The following PLD2 variants were observed in gnomAD, a reference collection of about 807,000 sequenced individuals.
The protein encoded by PLD2 is phospholipase D2.
A neutral mutation model predicts 119.8 loss-of-function variants in PLD2; 101 were observed. That is an observed-to-expected ratio of 0.84 (90% CI 0.72 to 0.99). PLD2 has a LOEUF of 0.99. Ranked by LOEUF, PLD2 falls within the 50% of genes least tolerant of loss-of-function variation. The pLI is 0.00. For missense variants in PLD2, 1,164 were observed against 1,226.8 expected, an observed-to-expected ratio of 0.95 and a Z score of 0.76; for synonymous variants, 494 against 482.8, an observed-to-expected ratio of 1.02 and a Z score of -0.30.
Position 4,818,017 on chromosome 17 carries a change from G to A in PLD2, c.1831G>A (p.Asp611Asn). The A allele has an allele frequency of 6.2e-7, 1 of 1,613,132 alleles. No homozygotes were observed. The highest frequency in any genetic ancestry group is 8.5e-7 in the Non-Finnish European group (1 of 1,179,096). Residue 611 changes from aspartate to asparagine, a missense_variant, in exon 18 of 25, where the codon GAC becomes AAC. Transcript: ENST00000263088. ...CTTVQVLRSV[D>N]RWSAGTLENS... ...CATTCCCTAGGTCTTGCGATCAGTG[G>A]ACCGCTGGTCAGCAGGGACTCTGGA...
intron 10 of PLD2, 131 bp from the exon 11 acceptor site, chr17:4,814,287 T>C: frequency 7.1e-7 from 1 of 1,417,548 alleles, no homozygotes. Flanking sequence ...CTGATACCAC[T>C]TGTGTTCTCT....
At chr17:4,813,236 C>G (rs1906650191) in intron 10 of PLD2, among the ~76,000 whole-genome samples, 1 of 152,120 alleles carries the variant, frequency 6.6e-6, no homozygotes, top group South Asian at 2.1e-4. Flanking sequence ...TCACGAACTC[C>G]TGACCTTAAG....
At chr17:4,809,235 G>C (rs376618254) in intron 5 of PLD2, 30 bp downstream of exon 5, 27 of 1,611,712 alleles carry the variant, frequency 1.7e-5, no homozygotes, top group Non-Finnish European at 2.2e-5. Flanking sequence ...CCTCCGGGAA[G>C]GCATTGGAGG....
chr17:4,819,740 C>G lies in PLD2; in HGVS notation c.2462+158C>G, dbSNP rs1907450347. On this transcript the variant is annotated intron_variant, in intron 23 of 24. Coordinates refer to ENST00000263088, the MANE Select transcript of PLD2 (RefSeq NM_002663.5). This position sits in a 1 kb window ranked among gnomAD's most constrained non-coding sequence, Gnocchi z 4.2. ...AGGCTGGGCGCGGCAGCTCACGCCT[C>G]TAATCCCAGCACTTTGGGAGGCCAA... is the stretch of plus-strand genomic sequence containing the variant. Among the ~76,000 whole-genome samples the G allele has an allele frequency of 1.3e-5, 2 of 151,852 alleles. No individual in the cohort carries two copies. The highest frequency in any genetic ancestry group is 2.9e-5 in the Non-Finnish European group (2 of 68,006).
At position 4,809,892 on chromosome 17, in the gene PLD2, G is replaced by A. The variant is rs758862838; in HGVS notation, c.723G>A (p.Lys241=). 1.2e-6 allele frequency: 2 copies of A among 1,614,168 alleles called. No homozygotes were observed. Among genetic ancestry groups the A allele is most frequent in the Admixed American group, 3.3e-5 (2 of 60,016 alleles). The part of the protein sequence containing the change: ...YRWSKRWLVV[K]DSFLLYMCLE... The stretch of plus-strand genomic sequence containing the variant: ...TCTGCTCTAGGTGGCTGGTGGTGAA[G>A]GACTCCTTCCTGCTGTACATGTGCC... Residue 241 remains lysine (K), a synonymous_variant, in exon 9 of 25, where the codon AAG becomes AAA. Coordinates refer to ENST00000263088, the MANE Select transcript of PLD2 (RefSeq NM_002663.5).
At chr17:4,809,272 C>G (rs762500061) in intron 5 of PLD2, 26 bp from the exon 6 acceptor site, 6 of 1,596,282 alleles carry the variant, frequency 3.8e-6, no homozygotes, top group Admixed American at 1.7e-5. Flanking sequence ...CCATCTGTCT[C>G]TCTCTCTCTC....
rs900566735 is a variant in PLD2, at chr17:4,819,351, G to T, written c.2309-78G>T. ...GTCCAAGAAGGAATGTTGCAGGCCA[G>T]TGCTTTGGTAGAGGGGATGGGGTAC... On this transcript the variant is annotated intron_variant, in intron 22 of 24. Coordinates refer to ENST00000263088, the MANE Select transcript of PLD2 (RefSeq NM_002663.5). This position sits in a 1 kb window ranked among gnomAD's most constrained non-coding sequence, Gnocchi z 4.2. The T allele has an allele frequency of 1.0e-5, 16 of 1,604,246 alleles. No individual in the cohort carries two copies. In the African/African-American group the frequency reaches 2.0e-4, roughly 20 times the overall value.
At chr17:4,816,152 C>T (rs1024629744) in intron 14 of PLD2, among the ~76,000 whole-genome samples, 18 of 152,106 alleles carry the variant, frequency 1.2e-4, no homozygotes, top group Admixed American at 7.2e-4. Context: ...GAGGCCAAGG[C>T]GGGTGGATCA....
Position 4,815,947 on chromosome 17 carries a change from A to T in PLD2, c.1455+13A>T. On this transcript the variant is annotated intron_variant, in intron 14 of 24. Transcript: ENST00000263088. ...AGCTGCCTCCCAGGTAATCCCCCTGAGGCCTTCCTGAGCACCCCCAAACTC... is the reference window on the plus strand; with the variant it reads ...AGCTGCCTCCCAGGTAATCCCCCTGTGGCCTTCCTGAGCACCCCCAAACTC... 2 of 1,592,108 alleles carry T rather than the reference A, an allele frequency of 1.3e-6. No individual in the cohort carries two copies. The highest frequency in any genetic ancestry group is 1.7e-6 in the Non-Finnish European group (2 of 1,160,242).
chr17:4,814,118 AT>A, intron 10 of PLD2: 2 of 286,748 alleles, frequency 7.0e-6, no homozygotes, highest in East Asian at 9.5e-5. Flanking sequence ...CTCTTTGCTC[AT>A]TTTTCAGTTG....
chr17:4,818,876 TG>T, intron 21 of PLD2, 53 bp downstream of exon 21: 8 of 1,581,070 alleles, frequency 5.1e-6, no homozygotes, highest in Non-Finnish European at 6.9e-6. Flanking sequence ...AGAGGGAGAT[TG>T]GGGCGCTGCA....
In PLD2 at chr17:4,822,645, C is replaced by T; in HGVS notation, c.2583C>T (p.Phe861=). Reference sequence around the variant, plus strand: ...GTCCATGCCCCCGCCCACAGATCTTCCGCTGCCTGCCATCCAATGCCACGC... The same window carrying T: ...GTCCATGCCCCCGCCCACAGATCTTTCGCTGCCTGCCATCCAATGCCACGC... The part of the protein sequence containing the change: ...ESNANIYEQI[F]RCLPSNATRS... The change falls in exon 25 of 25, where the codon TTC becomes TTT. Residue 861 remains phenylalanine (F), a synonymous_variant. Coordinates refer to ENST00000263088, the MANE Select transcript of PLD2 (RefSeq NM_002663.5). 1 of 1,604,222 alleles carries T rather than the reference C, an allele frequency of 6.2e-7. No homozygotes were observed. Among genetic ancestry groups the T allele is most frequent in the Non-Finnish European group, 8.5e-7 (1 of 1,173,148 alleles).
intron 23 of PLD2, among the ~76,000 whole-genome samples, chr17:4,821,003 T>C (rs889041436): frequency 2.6e-5 from 4 of 151,098 alleles, no homozygotes; most frequent in East Asian, 2.0e-4. Flanking sequence ...CCCGGGTTCA[T>C]ACCATTCTCC....
In PLD2 at chr17:4,810,016, G is replaced by A. The variant is rs200094300; in HGVS notation, c.847G>A (p.Asp283Asn). ...STEARHGVRIDTSHRSLILKC... is the reference protein window; with the variant it reads ...STEARHGVRINTSHRSLILKC... ...GGAGGCACGGCACGGCGTGCGGATC[G>A]ATACCTCCCACAGGTGAGGCCTCCC... is the stretch of plus-strand genomic sequence containing the variant. Residue 283 changes from aspartate to asparagine, a missense_variant, in exon 9 of 25, where the codon GAT becomes AAT. Coordinates refer to ENST00000263088, the MANE Select transcript of PLD2 (RefSeq NM_002663.5). The A allele has an allele frequency of 7.2e-5, 116 of 1,612,880 alleles. No homozygotes were observed. In the Middle Eastern group the frequency reaches 7.6e-4, roughly 11 times the overall value.
At position 4,809,323 on chromosome 17, in the gene PLD2, G is replaced by A. The variant is rs779056522; in HGVS notation, c.515G>A (p.Arg172His). ...AAATACCTGGAGAATTACCTCAACC[G>A]TCTCTTGACCATGTCTTTCTATCGC... Reference protein sequence around the residue: ...KQKYLENYLNRLLTMSFYRNY... With the variant: ...KQKYLENYLNHLLTMSFYRNY... Residue 172 changes from arginine (R) to histidine (H), a missense_variant, in exon 6 of 25, where the codon CGT becomes CAT. Coordinates refer to ENST00000263088, the MANE Select transcript of PLD2 (RefSeq NM_002663.5). The A allele has an allele frequency of 1.8e-5, 29 of 1,614,016 alleles. No homozygotes were observed. The highest frequency in any genetic ancestry group is 2.2e-5 in the East Asian group (1 of 44,888).
Position 4,809,537 on chromosome 17 carries a change from G to T in PLD2, c.600G>T (p.Leu200Phe). Reference sequence around the variant, plus strand: ...GTCAGCTGTCCTTTATCCCGGACTTGGGCCGCAAAGGACTGTGAGTGTCTG... The same window carrying T: ...GTCAGCTGTCCTTTATCCCGGACTTTGGCCGCAAAGGACTGTGAGTGTCTG... ...EVSQLSFIPD[L>F]GRKGLEGMIR... The change falls in exon 7 of 25, where the codon TTG becomes TTT. Residue 200 changes from leucine (L) to phenylalanine (F), a missense_variant. Transcript: ENST00000263088. The T allele has an allele frequency of 6.2e-7, 1 of 1,606,134 alleles. No individual in the cohort carries two copies. The highest frequency in any genetic ancestry group is 8.5e-7 in the Non-Finnish European group (1 of 1,174,898).
In PLD2 at chr17:4,810,132, C is replaced by A. The variant is rs1015751993; in HGVS notation, c.860+103C>A. 1.7e-5 allele frequency: 20 copies of A among 1,189,142 alleles called. No individual in the cohort carries two copies. In the African/African-American group the frequency reaches 2.6e-4, roughly 15 times the overall value. 73.7% of individuals were successfully genotyped at this position (1,189,142 alleles called of 1,614,324 possible). A position where few individuals can be genotyped will look rare whatever the true frequency, so the allele number is the denominator to read the frequency against. ...GACCACAGGAGAGAGGAAGGCTTTTCCACCTCCCTGGATCGGGACATAGTT... is the reference window on the plus strand; with the variant it reads ...GACCACAGGAGAGAGGAAGGCTTTTACACCTCCCTGGATCGGGACATAGTT... On this transcript the variant is annotated intron_variant, in intron 9 of 24. Coordinates refer to ENST00000263088, the MANE Select transcript of PLD2 (RefSeq NM_002663.5).
At chr17:4,809,235 G>T (rs376618254) in intron 5 of PLD2, 30 bp downstream of exon 5, 2 of 1,611,712 alleles carry the variant, frequency 1.2e-6, no homozygotes, top group African/African-American at 2.7e-5. Flanking sequence ...CCTCCGGGAA[G>T]GCATTGGAGG....
At chr17:4,814,981 T>C (rs570503050) in intron 12 of PLD2, among the ~76,000 whole-genome samples, 2 of 152,246 alleles carry the variant, frequency 1.3e-5, no homozygotes, top group Admixed American at 1.3e-4. Flanking sequence ...GGTATACATG[T>C]CTATCTCTCT....
Sources: allele counts gnomAD v4.1 joint callset (sites outside exome capture counted in the v4.1 genomes callset), GRCh38; gene constraint gnomAD v4.1.1; non-coding constraint Gnocchi (gnomAD v3.1); transcripts MANE v1.5; gene names NCBI Gene and HGNC (gene_info 2026-07-23, HGNC 2026-07-21).